CD47: variants seen among roughly 807,000 people sequenced by gnomAD.
The protein encoded by CD47 is CD47 molecule.
Under a neutral mutation model 44.6 loss-of-function variants are expected in CD47, and 11 were observed. The observed-to-expected ratio is 0.25, with a 90% CI of 0.16 to 0.41. The LOEUF is 0.41. CD47 is among the 10% of genes least tolerant of loss of function. CD47 has a pLI of 1.00. For synonymous variants in CD47, 140 were observed against 136.3 expected, an observed-to-expected ratio of 1.03 and a Z score of -0.19; for missense variants, 306 against 386.7, an observed-to-expected ratio of 0.79 and a Z score of 1.75.
At chr3:108,087,307 T>C (rs953908061) in intron 1 of CD47, among the ~76,000 whole-genome samples, 4 of 152,094 alleles carry the variant, frequency 2.6e-5, no homozygotes, top group Non-Finnish European at 5.9e-5. Context: ...GAGTGGGGTG[T>C]CCACAAGTTG....
intron 7 of CD47, chr3:108,054,757 T>C (rs2078884907): frequency 6.6e-6 from 1 of 152,234 alleles, no homozygotes. Context: ...TATCTATACA[T>C]AGATATAAAT....
At position 108,049,659 on chromosome 3, in the gene CD47, T is replaced by C. The variant is rs749541707; in HGVS notation, c.935-8A>G. ...CTTTTGATTCTTTGAATGCTAGGAT[T>C]AGTAACAAGCCAAGCAGGCAGTTAG... On this transcript the variant is annotated splice_polypyrimidine_tract_variant and splice_region_variant and intron_variant, in intron 9 of 10. Transcript: ENST00000361309. 20 of 1,600,606 alleles carry C rather than the reference T, an allele frequency of 1.2e-5. No individual in the cohort carries two copies. Among genetic ancestry groups the C allele is most frequent in the Non-Finnish European group, 1.6e-5 (19 of 1,167,898 alleles).
chr3:108,044,090 T>C lies in CD47; in HGVS notation c.*3198A>G, dbSNP rs1421547709. 6.6e-6 allele frequency: 1 copy of C among 152,656 alleles called. No individual in the cohort carries two copies. The highest frequency in any genetic ancestry group is 1.9e-4 in the East Asian group (1 of 5,196). The allele number at this position is 152,656 out of a possible 1,614,324, so 9.5% of individuals were successfully genotyped here. A position where few individuals can be genotyped will look rare whatever the true frequency, so the allele number is the denominator to read the frequency against. The stretch of plus-strand genomic sequence containing the variant: ...CCAACAACAGGTAAATTAAGGAGTA[T>C]GTGTTTCCATACATACACCACAGAT... On this transcript the variant is annotated 3_prime_UTR_variant, in exon 11 of 11. Coordinates refer to ENST00000361309, the MANE Select transcript of CD47 (RefSeq NM_001777.4).
intron 2 of CD47, among the ~76,000 whole-genome samples, chr3:108,076,551 G>A (rs2079314768): frequency 6.6e-6 from 1 of 152,084 alleles, no homozygotes; most frequent in Non-Finnish European, 1.5e-5. Flanking sequence ...TTAATTCTTG[G>A]CTATTACTCT....
chr3:108,068,823 G>A (rs2079147918), intron 3 of CD47, among the ~76,000 whole-genome samples: 1 of 152,180 alleles, frequency 6.6e-6, no homozygotes, highest in African/African-American at 2.4e-5. Context: ...ACCTTTAAAT[G>A]TGAGCGCAGG....
intron 10 of CD47, among the ~76,000 whole-genome samples, chr3:108,049,097 TCTCTCTCTCTC>T: frequency 1.3e-3 from 1 of 756 alleles, no homozygotes; most frequent in African/African-American, 6.5e-3. Context: ...ACGAAACATC[TCTCTCTCTCTC>T]TCTCTCTCTC....
chr3:108,087,843 T>C (rs573410803), intron 1 of CD47, among the ~76,000 whole-genome samples: 7 of 152,160 alleles, frequency 4.6e-5, no homozygotes, highest in Non-Finnish European at 8.8e-5. Context: ...TGTATAATCG[T>C]AAAGAGGAAA....
intron 2 of CD47, among the ~76,000 whole-genome samples, chr3:108,073,912 C>T (rs796381341): frequency 8.5e-5 from 13 of 152,256 alleles, no homozygotes; most frequent in African/African-American, 2.6e-4. Flanking sequence ...CAGGGAATTG[C>T]TCCAAAGGAA....
In CD47 at chr3:108,044,446, AAC is replaced by A. The variant is rs1219323083; in HGVS notation, c.*2840_*2841del. ...AAAAAAAAAAAAAAAAAAAAAAAAA[AAC>A]AAAAAAAAAAAACAGAAAGAAAGAA... On this transcript the variant is annotated 3_prime_UTR_variant, in exon 11 of 11. Transcript: ENST00000361309. 30 of 9,706 alleles carry A rather than the reference AAC, an allele frequency of 3.1e-3. 6 individuals are homozygous for A. Among genetic ancestry groups the A allele is most frequent in the East Asian group, 6.3e-3 (2 of 318 alleles). 0.6% of individuals were successfully genotyped at this position (9,706 alleles called of 1,614,324 possible).
At chr3:108,088,766 A>G (rs911644773) in intron 1 of CD47, among the ~76,000 whole-genome samples, 5 of 152,220 alleles carry the variant, frequency 3.3e-5, no homozygotes, top group Non-Finnish European at 7.3e-5. Flanking sequence ...AACAAAGTAT[A>G]ATTGTACATG....
intron 2 of CD47, among the ~76,000 whole-genome samples, chr3:108,075,517 T>C (rs79929960): frequency 0.037 from 5,602 of 152,256 alleles, 144 homozygotes; most frequent in South Asian, 0.071. Context: ...TTTTACTTGA[T>C]GTTTCAGGAT....
intron 2 of CD47, among the ~76,000 whole-genome samples, chr3:108,079,060 C>T (rs1312161519): frequency 1.3e-5 from 2 of 152,022 alleles, no homozygotes; most frequent in African/African-American, 2.4e-5. Flanking sequence ...CCAAACACCC[C>T]ATTCCTAATC....
intron 3 of CD47, among the ~76,000 whole-genome samples, chr3:108,068,805 T>C (rs2079147766): frequency 6.6e-6 from 1 of 152,198 alleles, no homozygotes; most frequent in African/African-American, 2.4e-5. Context: ...GCTACTATTA[T>C]CATCAACACC....
intron 9 of CD47, 107 bp downstream of exon 9, chr3:108,050,470 GA>G (rs1409136301): frequency 6.0e-6 from 4 of 667,538 alleles, no homozygotes; most frequent in Non-Finnish European, 1.1e-5. Flanking sequence ...AAAAAAAGAG[GA>G]AAAAAACCTA....
At chr3:108,089,346 A>G (rs188043340) in intron 1 of CD47, among the ~76,000 whole-genome samples, 2 of 152,328 alleles carry the variant, frequency 1.3e-5, no homozygotes, top group East Asian at 3.9e-4. Flanking sequence ...TTACTAAAGA[A>G]GGCCTAACAT....
intron 10 of CD47, among the ~76,000 whole-genome samples, chr3:108,048,243 G>A (rs1188127858): frequency 6.6e-6 from 1 of 151,926 alleles, no homozygotes; most frequent in East Asian, 1.9e-4. Flanking sequence ...TTTTAGGAGG[G>A]TAATGGCTTA....
At chr3:108,064,553 G>A (rs1016909937) in intron 3 of CD47, among the ~76,000 whole-genome samples, 13 of 152,068 alleles carry the variant, frequency 8.5e-5, no homozygotes, top group South Asian at 2.1e-4. Flanking sequence ...GTCAACTTGG[G>A]GATAAAATCA....
At chr3:108,084,663 C>T (rs1019238453) in intron 1 of CD47, among the ~76,000 whole-genome samples, 7 of 152,078 alleles carry the variant, frequency 4.6e-5, no homozygotes, top group African/African-American at 1.4e-4. Context: ...CAAAAACTTA[C>T]GTACCCCCAC....
intron 9 of CD47, among the ~76,000 whole-genome samples, chr3:108,050,070 T>C (rs891310808): frequency 6.6e-6 from 1 of 152,190 alleles, no homozygotes; most frequent in Non-Finnish European, 1.5e-5. Context: ...AGACACAGAA[T>C]AGTGCATTTT....
Sources: allele counts gnomAD v4.1 joint callset (sites outside exome capture counted in the v4.1 genomes callset), GRCh38; gene constraint gnomAD v4.1.1; transcripts MANE v1.5; gene names NCBI Gene and HGNC (gene_info 2026-07-23, HGNC 2026-07-21).